TMEM217B: variants seen among roughly 807,000 people sequenced by gnomAD.
The protein encoded by TMEM217B is putative transmembrane protein 217B.
At chr6:37,214,589 C>T in the TMEM217B span, among the ~76,000 whole-genome samples, 1 of 152,146 alleles carries the variant, frequency 6.6e-6, no homozygotes, top group Non-Finnish European at 1.5e-5. Context: ...CATCAACTCC[C>T]CATTCTCCTC....
the TMEM217B span, among the ~76,000 whole-genome samples, chr6:37,240,579 T>A: frequency 6.6e-6 from 1 of 152,152 alleles, no homozygotes; most frequent in Non-Finnish European, 1.5e-5. Flanking sequence ...GCTATTTAAT[T>A]GGTCACACTC....
chr6:37,252,930 GT>G, the TMEM217B span, among the ~76,000 whole-genome samples: 4,823 of 151,968 alleles, frequency 0.032, 247 homozygotes, highest in African/African-American at 0.11. Context: ...GTGAGCTACT[GT>G]TACCCAGGTG....
chr6:37,241,399 C>T, the TMEM217B span, among the ~76,000 whole-genome samples: 14 of 152,272 alleles, frequency 9.2e-5, no homozygotes, highest in Admixed American at 6.5e-4. Context: ...GAAGCAGGAC[C>T]TCAAAAGCGA....
the TMEM217B span, chr6:37,258,121 AG>A: frequency 2.3e-6 from 2 of 881,160 alleles, no homozygotes; most frequent in Admixed American, 3.2e-5. Flanking sequence ...GGCAGCTGTC[AG>A]GCAGCGAAGC....
the TMEM217B span, among the ~76,000 whole-genome samples, chr6:37,251,222 C>A: frequency 1.3e-5 from 2 of 152,096 alleles, no homozygotes; most frequent in African/African-American, 4.8e-5. Context: ...AGGTAATGTG[C>A]CGACAGGAAA....
the TMEM217B span, among the ~76,000 whole-genome samples, chr6:37,245,796 CTTTCTTTCTT>C: frequency 1.4e-3 from 108 of 77,192 alleles, no homozygotes; most frequent in African/African-American, 7.1e-3. Context: ...TTCTTTCTTT[CTTTCTTTCTT>C]TTTTTTTTTT....
chr6:37,236,162 A>T, the TMEM217B span, among the ~76,000 whole-genome samples: 2 of 152,154 alleles, frequency 1.3e-5, no homozygotes, highest in African/African-American at 4.8e-5. Context: ...AAAACAATTT[A>T]AAAAAACAGA....
the TMEM217B span, among the ~76,000 whole-genome samples, chr6:37,233,880 T>C: frequency 7.9e-5 from 12 of 152,308 alleles, no homozygotes; most frequent in South Asian, 2.5e-3. Flanking sequence ...ATGCATTCAG[T>C]AAAAACAATA....
chr6:37,222,188 G>T, the TMEM217B span, among the ~76,000 whole-genome samples: 1 of 152,206 alleles, frequency 6.6e-6, no homozygotes, highest in Admixed American at 6.5e-5. Flanking sequence ...GCTGGAAGAG[G>T]CACCACTTAG....
At chr6:37,222,325 C>G in the TMEM217B span, among the ~76,000 whole-genome samples, 638 of 152,336 alleles carry the variant, frequency 4.2e-3, no homozygotes, top group African/African-American at 0.014. Context: ...CATGGCCCCC[C>G]CAGGGCTCGA....
At chr6:37,214,224 T>C in the TMEM217B span, among the ~76,000 whole-genome samples, 2 of 152,182 alleles carry the variant, frequency 1.3e-5, no homozygotes, top group African/African-American at 4.8e-5. Context: ...CAGAACTTCC[T>C]TTCTCTCTCT....
the TMEM217B span, among the ~76,000 whole-genome samples, chr6:37,247,294 A>G: frequency 6.6e-6 from 1 of 152,200 alleles, no homozygotes; most frequent in African/African-American, 2.4e-5. Context: ...TTTGAGTCCA[A>G]GTAGTTTATT....
At chr6:37,214,693 C>T in the TMEM217B span, among the ~76,000 whole-genome samples, 395 of 152,328 alleles carry the variant, frequency 2.6e-3, 3 homozygotes, top group Non-Finnish European at 4.6e-3. Context: ...ATTTGTCCTT[C>T]GGTATCTGGC....
the TMEM217B span, among the ~76,000 whole-genome samples, chr6:37,255,075 C>G: frequency 6.6e-6 from 1 of 152,198 alleles, no homozygotes; most frequent in South Asian, 2.1e-4. Flanking sequence ...TCACCTCCTG[C>G]TGTGCGGCCT....
chr6:37,246,375 G>T, the TMEM217B span, among the ~76,000 whole-genome samples: 3 of 152,174 alleles, frequency 2.0e-5, no homozygotes, highest in Admixed American at 6.5e-5. Context: ...CCCAGGGCAT[G>T]CTCTTCTCAT....
At chr6:37,257,004 G>T in the TMEM217B span, among the ~76,000 whole-genome samples, 1 of 152,214 alleles carries the variant, frequency 6.6e-6, no homozygotes, top group African/African-American at 2.4e-5. Context: ...GGGAAATTAA[G>T]GATGTTGGTG....
chr6:37,229,594 C>A, the TMEM217B span, among the ~76,000 whole-genome samples: 1 of 151,964 alleles, frequency 6.6e-6, no homozygotes, highest in Non-Finnish European at 1.5e-5. Flanking sequence ...CACCCGCCTC[C>A]GCCTCCCAAA....
chr6:37,251,967 C>T, the TMEM217B span, among the ~76,000 whole-genome samples: 1 of 152,176 alleles, frequency 6.6e-6, no homozygotes, highest in Non-Finnish European at 1.5e-5. Context: ...AATCTCGGCT[C>T]ACTGCAACCT....
At chr6:37,241,099 CTTT>C in the TMEM217B span, among the ~76,000 whole-genome samples, 19 of 132,836 alleles carry the variant, frequency 1.4e-4, no homozygotes, top group Admixed American at 1.5e-4. Context: ...AAGTATTACT[CTTT>C]TTTTTTTTTT....
Sources: gnomAD v4.1 joint callset for allele counts (sites outside exome capture counted in the v4.1 genomes callset) on GRCh38, gnomAD v4.1.1 for gene constraint, MANE v1.5 for transcripts, NCBI Gene and HGNC (gene_info 2026-07-23, HGNC 2026-07-21) for gene names.